Variants in ZSCAN29 observed in about 807,000 individuals in gnomAD.
ZSCAN29 encodes the protein zinc finger and SCAN domain-containing protein 29.
In ZSCAN29, 55 loss-of-function variants were observed where a neutral mutation model predicts 71.9. The observed-to-expected ratio is 0.76, with a 90% CI of 0.62 to 0.96. The LOEUF is 0.96. ZSCAN29 is among the 40% of genes least tolerant of loss of function. ZSCAN29 has a pLI of 0.00. For missense variants in ZSCAN29, 1,042 were observed against 1,042.2 expected, an observed-to-expected ratio of 1.00 and a Z score of 0.00; for synonymous variants, 351 against 371.6, an observed-to-expected ratio of 0.94 and a Z score of 0.64.
Position 43,361,241 on chromosome 15 carries a change from C to G in ZSCAN29, c.2391G>C (p.Lys797Asn). 1 of 1,613,820 alleles carries G rather than the reference C, an allele frequency of 6.2e-7. No homozygotes were observed. Among genetic ancestry groups the G allele is most frequent in the Non-Finnish European group, 8.5e-7 (1 of 1,179,930 alleles). Residue 797 changes from lysine (K) to asparagine (N), a missense_variant, in exon 6 of 6, where the codon AAG becomes AAC. By Grantham distance (94) the Lys-to-Asn change is moderately conservative. Coordinates refer to ENST00000684362, the MANE Select transcript of ZSCAN29 (RefSeq NM_001372080.1). The stretch of plus-strand genomic sequence containing the variant: ...GTAAGTCAGAACTCTTACTGAAACT[C>G]TTTCCACAGTCAGGACACACATGGG... ...ERPHVCPDCG[K>N]SFSKSSDLRA... is the part of the protein sequence containing the mutation.
At chr15:43,363,126 C>T (rs1373809595) in intron 5 of ZSCAN29, among the ~76,000 whole-genome samples, 2 of 152,028 alleles carry the variant, frequency 1.3e-5, no homozygotes, top group African/African-American at 4.8e-5. Flanking sequence ...TACAGGTGCG[C>T]GCTACCACCC....
chr15:43,369,007 T>C lies in ZSCAN29; in HGVS notation c.439A>G (p.Lys147Glu). The C allele has an allele frequency of 6.2e-7, 1 of 1,613,180 alleles. No homozygotes were observed. Residue 147 changes from lysine (K) to glutamate (E), a missense_variant, in exon 3 of 6, where the codon AAG (lysine) becomes GAG (glutamate). Physicochemically the swap from Lys to Glu is moderately conservative, Grantham distance 56. Transcript: ENST00000684362. ...TCTGGGCTTCTTGCCCTCTCTTTCTTGGGTACACCCCTGGGCTGGGGTTCC... is the reference window on the plus strand; with the variant it reads ...TCTGGGCTTCTTGCCCTCTCTTTCTCGGGTACACCCCTGGGCTGGGGTTCC... ...SVEPQPRGVP[K>E]KERARSPDLG...
Position 43,361,808 on chromosome 15 carries a change from C to T in ZSCAN29, c.1824G>A (p.Glu608=). ...ACTGTCTTCCTGATCTACAGTCACT[C>T]TCATTGCCTTTACCCTGATGAAGAT... The part of the protein sequence containing the change: ...PRYLHQGKGN[E]SDCRSGRQWA... The change falls in exon 6 of 6, where the codon GAG becomes GAA. Residue 608 remains glutamate, a synonymous_variant. Transcript: ENST00000684362. 1 of 1,614,162 alleles carries T rather than the reference C, an allele frequency of 6.2e-7. No individual in the cohort carries two copies. The highest frequency in any genetic ancestry group is 1.1e-5 in the South Asian group (1 of 91,066).
Position 43,366,607 on chromosome 15 carries a change from T to G in ZSCAN29, c.725A>C (p.Lys242Thr), listed in dbSNP as rs561229494. The G allele has an allele frequency of 1.5e-4, 240 of 1,614,242 alleles. 4 individuals carry two copies. The South Asian group carries it at 2.5e-3, about 17-fold the overall frequency. The change falls in exon 4 of 6, where the codon AAG becomes ACG. Residue 242 changes from lysine (K) to threonine (T), a missense_variant. Lys to Thr is a moderately conservative substitution (Grantham distance 78, BLOSUM62 -1). Transcript: ENST00000684362. Reference sequence around the variant, plus strand: ...ATAGCCCCAGTGCACACCTGCCACCTTCTCATCTTCAAAGCTCCAGTGATC... The same window carrying G: ...ATAGCCCCAGTGCACACCTGCCACCGTCTCATCTTCAAAGCTCCAGTGATC... ...EQDHWSFEDEKVAGVHWGYEE... is the reference protein window; with the variant it reads ...EQDHWSFEDETVAGVHWGYEE...
At position 43,361,066 on chromosome 15, in the gene ZSCAN29, C is replaced by T. The variant is rs1263993022; in HGVS notation, c.*7G>A. Reference sequence around the variant, plus strand: ...TGAGCCTCTTTCCGTTATATATCCTCAGGGGCTTACTTGGGAGCTGACTGT... The same window carrying T: ...TGAGCCTCTTTCCGTTATATATCCTTAGGGGCTTACTTGGGAGCTGACTGT... On this transcript the variant is annotated 3_prime_UTR_variant, in exon 6 of 6. Transcript: ENST00000684362. 1.3e-6 allele frequency: 2 copies of T among 1,583,828 alleles called. No homozygotes were observed. Among genetic ancestry groups the T allele is most frequent in the African/African-American group, 1.4e-5 (1 of 73,802 alleles).
At position 43,371,027 on chromosome 15, in the gene ZSCAN29, G is replaced by A; in HGVS notation, c.-582C>T. ...CCGGCTCTCCAGCCTCCCAAGTACAGCTCCCAAACCGGAAGTCCGAGCGGG... is the reference window on the plus strand; with the variant it reads ...CCGGCTCTCCAGCCTCCCAAGTACAACTCCCAAACCGGAAGTCCGAGCGGG... On this transcript the variant is annotated 5_prime_UTR_variant, in exon 1 of 6. Coordinates refer to ENST00000684362, the MANE Select transcript of ZSCAN29 (RefSeq NM_001372080.1). 1 of 395,380 alleles carries A rather than the reference G, an allele frequency of 2.5e-6. No individual in the cohort carries two copies. The highest frequency in any genetic ancestry group is 2.4e-5 in the South Asian group (1 of 42,422). 24.5% of individuals were successfully genotyped at this position (395,380 alleles called of 1,614,324 possible).
At chr15:43,369,337 C>G in intron 2 of ZSCAN29, 1 of 596,646 alleles carries the variant, frequency 1.7e-6, no homozygotes, top group Non-Finnish European at 2.7e-6. Context: ...AATAGTAAAC[C>G]CACCTTCAGG....
chr15:43,359,778 A>G lies in ZSCAN29; in HGVS notation c.*1295T>C, dbSNP rs148814519. On this transcript the variant is annotated 3_prime_UTR_variant, in exon 6 of 6. Transcript: ENST00000684362. ...ATGAGACTGGACAGAAAGAAAACCA[A>G]CCTAAATCCTGTAAATGTATTATTC... 6.6e-6 allele frequency: 1 copy of G among 152,184 alleles called. No homozygotes were observed. Among genetic ancestry groups the G allele is most frequent in the African/African-American group, 2.4e-5 (1 of 41,444 alleles). The allele number at this position is 152,184 out of a possible 1,614,324, so 9.4% of individuals were successfully genotyped here.
In ZSCAN29 at chr15:43,369,806, G is replaced by A. The variant is rs1417792075; in HGVS notation, c.108C>T (p.Phe36=). Residue 36 remains phenylalanine (F), a synonymous_variant, in exon 2 of 6, where the codon TTC becomes TTT. Transcript: ENST00000684362. ...YQEVAGPREA[F]SQLWELCCRW... is the part of the protein sequence containing the mutation. ...GACAGCAAAGTTCCCAGAGTTGGCT[G>A]AAAGCCTCCCGCGGCCCAGCCACCT... The A allele has an allele frequency of 6.2e-7, 1 of 1,614,220 alleles. No individual in the cohort carries two copies. The highest frequency in any genetic ancestry group is 2.2e-5 in the East Asian group (1 of 44,890).
rs1257077944 is a variant in ZSCAN29 at position 43,361,509 on chromosome 15, CATTT to C, written c.2119_2122del (p.Lys707ValfsTer139). ...ACGGAAACTTTTTCCACAGTCAAGA[CATTT>C]ATAAGGTTTCTCTCCAGTGTGGATT... is the stretch of plus-strand genomic sequence containing the variant. On this transcript the variant is annotated frameshift_variant, in exon 6 of 6. Transcript: ENST00000684362. LOFTEE classifies it high-confidence loss of function. The C allele has an allele frequency of 1.9e-6, 3 of 1,614,174 alleles. No individual in the cohort carries two copies. The highest frequency in any genetic ancestry group is 1.1e-5 in the South Asian group (1 of 91,086).
At chr15:43,362,536 T>C (rs906130048) in intron 5 of ZSCAN29, among the ~76,000 whole-genome samples, 12 of 152,238 alleles carry the variant, frequency 7.9e-5, no homozygotes, top group African/African-American at 2.9e-4. Flanking sequence ...GCCTAGGCTA[T>C]GCAAATTTGC....
intron 1 of ZSCAN29, 172 bp from the exon 2 acceptor site, chr15:43,370,197 G>C: frequency 2.6e-6 from 1 of 386,348 alleles, no homozygotes; most frequent in Non-Finnish European, 4.7e-6. Context: ...GGCAGCCCCA[G>C]GAAGCAGCAG....
rs8035222 is a variant in ZSCAN29, at chr15:43,362,908, T to G, written c.1691-967A>C. On this transcript the variant is annotated intron_variant, in intron 5 of 5. Coordinates refer to ENST00000684362, the MANE Select transcript of ZSCAN29 (RefSeq NM_001372080.1). ...GAAAACTATTATTAAATGGCTACTATGTGCCAGGCACTGTGCACAGTACCT... is the reference window on the plus strand; with the variant it reads ...GAAAACTATTATTAAATGGCTACTAGGTGCCAGGCACTGTGCACAGTACCT... 5.8e-3 allele frequency among the ~76,000 whole-genome samples: 879 copies of G among 152,304 alleles called. 11 individuals carry two copies. Among genetic ancestry groups the G allele is most frequent in the African/African-American group, 0.02 (836 of 41,542 alleles).
In ZSCAN29 at chr15:43,366,698, C is replaced by T; in HGVS notation, c.634G>A (p.Gly212Arg). 4 of 1,614,214 alleles carry T rather than the reference C, an allele frequency of 2.5e-6. No individual in the cohort carries two copies. The highest frequency in any genetic ancestry group is 3.4e-6 in the Non-Finnish European group (4 of 1,180,014). ...AGATCAGCATGCACTCGTCTGTCTC[C>T]TATGTGGCTGCCACTTGGAAGTTCT... Reference protein sequence around the residue: ...EKELPSGSHIGDRRVHADLLP... With the variant: ...EKELPSGSHIRDRRVHADLLP... The change falls in exon 4 of 6, where the codon GGA (glycine) becomes AGA (arginine). Residue 212 changes from glycine to arginine, a missense_variant. By Grantham distance (125) the Gly-to-Arg change is moderately radical (BLOSUM62 -2). Transcript: ENST00000684362.
intron 3 of ZSCAN29, 68 bp downstream of exon 3, chr15:43,368,855 C>T (rs2142737696): frequency 7.1e-7 from 1 of 1,405,316 alleles, no homozygotes; most frequent in East Asian, 2.4e-5. Flanking sequence ...CTTTCCCACT[C>T]ACTATTCCCA....
rs2044095939 is a variant in ZSCAN29 at position 43,370,638 on chromosome 15, T to C, written c.-193A>G. 1 of 152,476 alleles carries C rather than the reference T, an allele frequency of 6.6e-6. No individual in the cohort carries two copies. The highest frequency in any genetic ancestry group is 1.5e-5 in the Non-Finnish European group (1 of 68,282). 9.4% of individuals were successfully genotyped at this position (152,476 alleles called of 1,614,324 possible). On this transcript the variant is annotated 5_prime_UTR_variant, in exon 1 of 6. Transcript: ENST00000684362. Reference sequence around the variant, plus strand: ...CATGGGGGCTTGGGGAGAGTCACATTGGGCAGGAGAGACGGAATCCGAGGA... The same window carrying C: ...CATGGGGGCTTGGGGAGAGTCACATCGGGCAGGAGAGACGGAATCCGAGGA...
intron 2 of ZSCAN29, 76 bp downstream of exon 2, chr15:43,369,520 T>A: frequency 6.7e-7 from 1 of 1,481,604 alleles, no homozygotes; most frequent in East Asian, 2.3e-5. Flanking sequence ...TGTCCCTCTT[T>A]AAGCCTGTCT....
At chr15:43,366,088 T>C in intron 4 of ZSCAN29, 22 bp downstream of exon 4, 1 of 1,570,618 alleles carries the variant, frequency 6.4e-7, no homozygotes, top group Non-Finnish European at 8.6e-7. Context: ...ATTCCAAAAC[T>C]CCAAGAAGAA....
chr15:43,361,044 G>T lies in ZSCAN29; in HGVS notation c.*29C>A, dbSNP rs1437285714. ...ACTTTCTAAACAATACATTTATTGA[G>T]CCTCTTTCCGTTATATATCCTCAGG... On this transcript the variant is annotated 3_prime_UTR_variant, in exon 6 of 6. Coordinates refer to ENST00000684362, the MANE Select transcript of ZSCAN29 (RefSeq NM_001372080.1). The T allele has an allele frequency of 1.9e-6, 3 of 1,544,120 alleles. No homozygotes were observed. The highest frequency in any genetic ancestry group is 2.6e-6 in the Non-Finnish European group (3 of 1,146,484).
Sources: gnomAD v4.1 joint callset for allele counts (sites outside exome capture counted in the v4.1 genomes callset) on GRCh38, gnomAD v4.1.1 for gene constraint, MANE v1.5 for transcripts, NCBI Gene and HGNC (gene_info 2026-07-23, HGNC 2026-07-21) for gene names.